Variants in MYO1D observed in about 807,000 individuals in gnomAD.
MYO1D encodes the protein unconventional myosin-Id.
MYO1D carries 83 observed loss-of-function variants against 122.0 expected under a neutral mutation model. The observed-to-expected ratio is 0.68, with a 90% CI of 0.57 to 0.82. The LOEUF (loss-of-function observed/expected upper bound fraction) is 0.82. MYO1D is among the 40% of genes least tolerant of loss of function. MYO1D has a pLI of 0.00. For missense variants in MYO1D, 1,157 were observed against 1,269.5 expected (o/e 0.91, Z 1.35); for synonymous variants, 464 against 446.9 (o/e 1.04, Z -0.48).
chr17:32,645,030 TG>T (rs1159864232), intron 19 of MYO1D, among the ~76,000 whole-genome samples: 1 of 152,232 alleles, frequency 6.6e-6, no homozygotes, highest in African/African-American at 2.4e-5. Flanking sequence ...CAATTTGGCA[TG>T]TTTTTGCAGT....
chr17:32,638,892 G>T, intron 19 of MYO1D, 57 bp from the exon 20 acceptor site: 1 of 1,229,462 alleles, frequency 8.1e-7, no homozygotes, highest in Non-Finnish European at 1.2e-6. Flanking sequence ...AATCAAGTTG[G>T]CTGATTGTGA....
At chr17:32,854,002 G>C (rs1389483476) in intron 1 of MYO1D, among the ~76,000 whole-genome samples, 1 of 152,112 alleles carries the variant, frequency 6.6e-6, no homozygotes, top group South Asian at 2.1e-4. Context: ...GAATACACTT[G>C]AAAGTCACCT....
At chr17:32,738,438 A>T (rs76645480) in intron 13 of MYO1D, 53 bp from the exon 14 acceptor site, 91,849 of 1,496,200 alleles carry the variant, frequency 0.061, 3,207 homozygotes, top group Non-Finnish European at 0.071. Context: ...AAGCTGGATA[A>T]AAACTGATAA....
chr17:32,579,268 C>A (rs527744246), intron 21 of MYO1D, among the ~76,000 whole-genome samples: 1 of 152,148 alleles, frequency 6.6e-6, no homozygotes, highest in East Asian at 1.9e-4. Context: ...AGGGTCTCAC[C>A]ATGTTGCTCA....
At chr17:32,653,118 G>A (rs2088419679) in intron 19 of MYO1D, among the ~76,000 whole-genome samples, 1 of 151,644 alleles carries the variant, frequency 6.6e-6, no homozygotes, top group South Asian at 2.1e-4. Flanking sequence ...CTCCAGCCTG[G>A]GCGACAGAAT....
At chr17:32,662,268 AG>A in intron 16 of MYO1D, among the ~76,000 whole-genome samples, 1 of 152,342 alleles carries the variant, frequency 6.6e-6, no homozygotes, top group Non-Finnish European at 1.5e-5. Flanking sequence ...TTTCCTTGAA[AG>A]TAAAAAGCAG....
chr17:32,874,419 G>C (rs549708118), intron 1 of MYO1D, among the ~76,000 whole-genome samples: 2 of 151,876 alleles, frequency 1.3e-5, no homozygotes, highest in South Asian at 4.2e-4. Flanking sequence ...CATAGCTCAC[G>C]GCAGCTTTGA....
intron 21 of MYO1D, among the ~76,000 whole-genome samples, chr17:32,516,967 A>G (rs1909913689): frequency 6.6e-6 from 1 of 152,058 alleles, no homozygotes; most frequent in Admixed American, 6.6e-5. Flanking sequence ...TCCATTAACA[A>G]TGGCACAACA....
intron 21 of MYO1D, among the ~76,000 whole-genome samples, chr17:32,564,763 C>CT (rs2087157383): frequency 1.3e-5 from 2 of 152,192 alleles, no homozygotes; most frequent in African/African-American, 4.8e-5. Context: ...AACCCTGACT[C>CT]TAAGGCATCA....
intron 1 of MYO1D, among the ~76,000 whole-genome samples, chr17:32,864,007 CTTTTTTTTTTTTTTTTTTTTTTT>C (rs560953120): frequency 6.1e-5 from 3 of 48,972 alleles, no homozygotes; most frequent in Admixed American, 2.4e-4. Context: ...ACATTTCTTC[CTTTTTTTTTTTTTTTTTTTTTTT>C]TTTTTTTTTT....
rs909882727 is a variant in MYO1D at position 32,856,324 on chromosome 17, CTT to C, written c.95+20452_95+20453del. Among the ~76,000 whole-genome samples the C allele has an allele frequency of 7.2e-5, 11 of 152,194 alleles. 1 individual carries two copies. Among genetic ancestry groups the C allele is most frequent in the Admixed American group, 2.0e-4 (3 of 15,282 alleles). Reference sequence around the variant, plus strand: ...GAAGACTCTCTGTCCTCTCAAATGTCTTTCTCTCTCTACGGCCTCCTTCCCAT... The same window carrying C: ...GAAGACTCTCTGTCCTCTCAAATGTCTCTCTCTCTACGGCCTCCTTCCCAT... On this transcript the variant is annotated intron_variant, in intron 1 of 21. Transcript: ENST00000318217.
At chr17:32,577,588 T>C (rs1322611787) in intron 21 of MYO1D, among the ~76,000 whole-genome samples, 5 of 152,036 alleles carry the variant, frequency 3.3e-5, no homozygotes, top group Non-Finnish European at 7.3e-5. Context: ...ATCATTTAAC[T>C]AACAGCAATA....
In MYO1D at chr17:32,503,037, G is replaced by A. The variant is rs372389746; in HGVS notation, c.2865-8122C>T. ...TTTCAAGCCATCATTGCAGGCAAATGGCCTTTATCAAATTACTTTCCTTCA... is the reference window on the plus strand; with the variant it reads ...TTTCAAGCCATCATTGCAGGCAAATAGCCTTTATCAAATTACTTTCCTTCA... On this transcript the variant is annotated intron_variant, in intron 21 of 21. Coordinates refer to ENST00000318217, the MANE Select transcript of MYO1D (RefSeq NM_015194.3). Among the ~76,000 whole-genome samples the A allele has an allele frequency of 5.7e-4, 87 of 152,270 alleles. 1 individual carries two copies. In the East Asian group the frequency reaches 0.013, roughly 23 times the overall value.
In MYO1D at chr17:32,653,826, G is replaced by C; in HGVS notation, c.2595+17C>G. ...AGTCTTTCCTTTCCAAGATGATCTG[G>C]TTTAAGCTTGCCTTACCTTACGGAC... is the stretch of plus-strand genomic sequence containing the variant. On this transcript the variant is annotated intron_variant, in intron 19 of 21. Transcript: ENST00000318217. The C allele has an allele frequency of 6.3e-7, 1 of 1,596,378 alleles. No homozygotes were observed. The highest frequency in any genetic ancestry group is 8.6e-7 in the Non-Finnish European group (1 of 1,164,550).
At chr17:32,628,323 C>T (rs1261419951) in intron 20 of MYO1D, among the ~76,000 whole-genome samples, 4 of 152,264 alleles carry the variant, frequency 2.6e-5, no homozygotes, top group South Asian at 2.1e-4. Context: ...AATATTTATA[C>T]ATAGAAAGGG....
rs1383904845 is a variant in MYO1D at position 32,713,384 on chromosome 17, G to A, written c.1914-1189C>T. 2.0e-5 allele frequency among the ~76,000 whole-genome samples: 3 copies of A among 152,076 alleles called. No individual in the cohort carries two copies. The East Asian group carries it at 5.8e-4, about 29-fold the overall frequency. Reference sequence around the variant, plus strand: ...GGACTTTCTGGTCTGTTTCATTGCTGTGTCTGTCCATCTGTGCATCACTAC... The same window carrying A: ...GGACTTTCTGGTCTGTTTCATTGCTATGTCTGTCCATCTGTGCATCACTAC... On this transcript the variant is annotated intron_variant, in intron 15 of 21. Coordinates refer to ENST00000318217, the MANE Select transcript of MYO1D (RefSeq NM_015194.3).
intron 16 of MYO1D, among the ~76,000 whole-genome samples, chr17:32,671,380 A>C (rs1045020781): frequency 6.6e-6 from 1 of 152,220 alleles, no homozygotes; most frequent in Non-Finnish European, 1.5e-5. Context: ...GAGTCTAGCA[A>C]AGGGGCCAAG....
At chr17:32,549,264 G>C (rs1217879746) in intron 21 of MYO1D, among the ~76,000 whole-genome samples, 1 of 151,840 alleles carries the variant, frequency 6.6e-6, no homozygotes, top group Non-Finnish European at 1.5e-5. Flanking sequence ...AGCTAATTTT[G>C]TTCATTATTT....
At chr17:32,667,696 C>T (rs770084643) in intron 16 of MYO1D, among the ~76,000 whole-genome samples, 1 of 152,164 alleles carries the variant, frequency 6.6e-6, no homozygotes, top group Non-Finnish European at 1.5e-5. Context: ...GAAGTGACCA[C>T]CCCTGAGCTG....
Sources: allele counts gnomAD v4.1 joint callset (sites outside exome capture counted in the v4.1 genomes callset), GRCh38; gene constraint gnomAD v4.1.1; transcripts MANE v1.5; gene names NCBI Gene and HGNC (gene_info 2026-07-23, HGNC 2026-07-21).